Variants in ASAP1 observed in about 807,000 individuals in gnomAD.
ASAP1 encodes ArfGAP with SH3 domain, ankyrin repeat and PH domain 1.
A neutral mutation model predicts 145.2 loss-of-function variants in ASAP1; 43 were observed. The observed-to-expected ratio is 0.30, with a 90% confidence interval of 0.23 to 0.38. The LOEUF is 0.38. Ranked by LOEUF, ASAP1 falls within the 10% of genes least tolerant of loss-of-function variation. The pLI is 1.00. For synonymous variants in ASAP1, 546 were observed against 515.5 expected, an observed-to-expected ratio of 1.06 and a Z score of -0.80; for missense variants, 1,018 against 1,355.3, an observed-to-expected ratio of 0.75 and a Z score of 3.91.
intron 13 of ASAP1, among the ~76,000 whole-genome samples, chr8:130,146,846 G>A (rs2097632148): frequency 6.6e-6 from 1 of 152,104 alleles, no homozygotes; most frequent in Non-Finnish European, 1.5e-5. Flanking sequence ...AATCCCTAAA[G>A]GCAGAAATTA....
intron 24 of ASAP1, among the ~76,000 whole-genome samples, chr8:130,107,180 C>CTTTTTTT (rs375105720): frequency 2.0e-4 from 23 of 113,870 alleles, no homozygotes; most frequent in East Asian, 5.5e-4. Context: ...CTCTCTTCTT[C>CTTTTTTT]TTCTTTTTTT....
intron 7 of ASAP1, 96 bp from the exon 8 acceptor site, chr8:130,180,976 AC>A: frequency 2.6e-6 from 3 of 1,154,272 alleles, no homozygotes; most frequent in Non-Finnish European, 3.7e-6. Context: ...ATTTGGGGTG[AC>A]GATGTGTCTA....
rs767052072 is a variant in ASAP1, at chr8:130,358,158, G to A, written c.60-15C>T. The stretch of plus-strand genomic sequence containing the variant: ...GGTCCGGCATCCTGCCGGGAGGGAC[G>A]AGACACAAGCGGGGGCGGGGGGTGA... On this transcript the variant is annotated splice_polypyrimidine_tract_variant and intron_variant, in intron 2 of 29. Transcript: ENST00000518721. This position sits in a 1 kb window ranked among gnomAD's most constrained non-coding sequence, Gnocchi z 4.1. 26 of 1,595,590 alleles carry A rather than the reference G, an allele frequency of 1.6e-5. No individual in the cohort carries two copies. Among genetic ancestry groups the A allele is most frequent in the Admixed American group, 1.0e-4 (6 of 59,378 alleles).
At chr8:130,367,227 A>G (rs879370742) in intron 2 of ASAP1, among the ~76,000 whole-genome samples, 16 of 152,178 alleles carry the variant, frequency 1.1e-4, no homozygotes, top group Non-Finnish European at 1.8e-4. Flanking sequence ...ATTTTAAAAC[A>G]TAAGAGACAA....
chr8:130,060,894 T>C lies in ASAP1; in HGVS notation c.2877A>G (p.Pro959=), dbSNP rs1174526746. ...GCTGTGGTTTGGGGGGCAGTTCTCC[T>C]GGCTTAGGCGGCAAATCTCCAATTT... ...KPQIGDLPPK[P]GELPPKPQLG... is the part of the protein sequence containing the mutation. Residue 959 remains proline, a synonymous_variant, in exon 28 of 30, where the codon CCA becomes CCG. Coordinates refer to ENST00000518721, the MANE Select transcript of ASAP1 (RefSeq NM_018482.4). 3.1e-6 allele frequency: 5 copies of C among 1,612,918 alleles called. No homozygotes were observed. In the Admixed American group the frequency reaches 6.7e-5, roughly 22 times the overall value.
At chr8:130,152,590 CTTTTTTTT>C in intron 13 of ASAP1, 138 bp downstream of exon 13, 1 of 416,122 alleles carries the variant, frequency 2.4e-6, no homozygotes, top group Non-Finnish European at 4.2e-6. Flanking sequence ...CAAGATAAAA[CTTTTTTTT>C]TTTTTTTTTG....
intron 24 of ASAP1, among the ~76,000 whole-genome samples, chr8:130,099,216 T>C (rs979297516): frequency 2.6e-5 from 4 of 151,704 alleles, no homozygotes; most frequent in South Asian, 2.1e-4. Context: ...TCTCGCTCTG[T>C]TGCCCAGGCT....
At chr8:130,363,265 C>A (rs568530498) in intron 2 of ASAP1, among the ~76,000 whole-genome samples, 2 of 152,294 alleles carry the variant, frequency 1.3e-5, no homozygotes, top group South Asian at 4.2e-4. Context: ...GTGACACACA[C>A]CTGTCATCCC....
At chr8:130,352,212 G>GTTTTT (rs11420981) in intron 3 of ASAP1, among the ~76,000 whole-genome samples, 6 of 139,682 alleles carry the variant, frequency 4.3e-5, no homozygotes, top group African/African-American at 1.1e-4. Flanking sequence ...CTTCCTAAGG[G>GTTTTT]TTTTTTTTTT....
chr8:130,335,556 T>C (rs552723832), intron 3 of ASAP1, among the ~76,000 whole-genome samples: 33 of 152,308 alleles, frequency 2.2e-4, no homozygotes, highest in Non-Finnish European at 4.3e-4. Flanking sequence ...GAGATCATGA[T>C]TCAAAGCCAG....
intron 24 of ASAP1, among the ~76,000 whole-genome samples, chr8:130,098,115 A>G (rs2097522325): frequency 6.6e-6 from 1 of 152,162 alleles, no homozygotes; most frequent in Non-Finnish European, 1.5e-5. Context: ...TTATTGTCAC[A>G]TTATCCATTT....
chr8:130,134,071 AG>A (rs1173675046), intron 15 of ASAP1, among the ~76,000 whole-genome samples: 1 of 152,218 alleles, frequency 6.6e-6, no homozygotes, highest in East Asian at 1.9e-4. Context: ...AGAGAGGGTG[AG>A]GCTTGAGCAG....
chr8:130,359,618 GTTTT>G (rs35447783), intron 2 of ASAP1, among the ~76,000 whole-genome samples: 3 of 134,142 alleles, frequency 2.2e-5, no homozygotes, highest in Admixed American at 2.2e-4. Flanking sequence ...ATCTTGCACT[GTTTT>G]TTTTTTTTTT....
At chr8:130,174,665 A>G (rs1813830215) in intron 9 of ASAP1, among the ~76,000 whole-genome samples, 1 of 152,248 alleles carries the variant, frequency 6.6e-6, no homozygotes, top group African/African-American at 2.4e-5. Context: ...CCAATGATTT[A>G]ATCAATCATG....
At chr8:130,141,581 A>G (rs1359283356) in intron 13 of ASAP1, among the ~76,000 whole-genome samples, 1 of 152,196 alleles carries the variant, frequency 6.6e-6, no homozygotes, top group Non-Finnish European at 1.5e-5. Context: ...TCTCATTAAA[A>G]TGTGCTTGGC....
Position 130,385,871 on chromosome 8 carries a change from T to C in ASAP1, c.59+16014A>G, listed in dbSNP as rs951683548. On this transcript the variant is annotated intron_variant, in intron 2 of 29. Coordinates refer to ENST00000518721, the MANE Select transcript of ASAP1 (RefSeq NM_018482.4). Reference sequence around the variant, plus strand: ...CGGTGAATGCATTTCAAATTCCCACTGGGGAGTCCCCCCACATCCTTTGGT... The same window carrying C: ...CGGTGAATGCATTTCAAATTCCCACCGGGGAGTCCCCCCACATCCTTTGGT... Among the ~76,000 whole-genome samples the C allele has an allele frequency of 5.3e-5, 8 of 152,326 alleles. No individual in the cohort carries two copies. The East Asian group carries it at 7.7e-4, about 15-fold the overall frequency.
chr8:130,197,379 A>C (rs1232221984), intron 5 of ASAP1, among the ~76,000 whole-genome samples: 9 of 152,202 alleles, frequency 5.9e-5, no homozygotes, highest in Admixed American at 5.9e-4. Flanking sequence ...CAGTGAGCTG[A>C]GATCATGCCA....
At chr8:130,210,993 G>A (rs1816545038) in intron 5 of ASAP1, among the ~76,000 whole-genome samples, 1 of 152,134 alleles carries the variant, frequency 6.6e-6, no homozygotes, top group East Asian at 1.9e-4. Context: ...TATTTTTAGA[G>A]ACAAGGAAAC....
chr8:130,059,197 C>T (rs895331132), intron 28 of ASAP1, among the ~76,000 whole-genome samples: 7 of 151,622 alleles, frequency 4.6e-5, no homozygotes, highest in Admixed American at 1.3e-4. Context: ...CGGGGTTTCA[C>T]TCTGTTGCCC....
Sources: allele counts gnomAD v4.1 joint callset (sites outside exome capture counted in the v4.1 genomes callset), GRCh38; gene constraint gnomAD v4.1.1; non-coding constraint Gnocchi (gnomAD v3.1); transcripts MANE v1.5; gene names NCBI Gene and HGNC (gene_info 2026-07-23, HGNC 2026-07-21).